Variants in CMIP observed in about 807,000 individuals in gnomAD.
CMIP encodes C-Maf-inducing protein.
CMIP carries 13 observed loss-of-function variants against 97.3 expected under a neutral mutation model. The observed-to-expected ratio is 0.13, with a 90% CI of 0.09 to 0.21. The LOEUF is 0.21. Ranked by LOEUF, CMIP falls within the 10% of genes least tolerant of loss-of-function variation. The pLI is 1.00. For synonymous variants in CMIP, 538 were observed against 436.3 expected, an observed-to-expected ratio of 1.23 and a Z score of -2.91; for missense variants, 847 against 1,024.9, an observed-to-expected ratio of 0.83 and a Z score of 2.37.
rs142836464 is a variant in CMIP, at chr16:81,545,656, C to T, written c.301-61911C>T. 2.9e-3 allele frequency among the ~76,000 whole-genome samples: 438 copies of T among 152,302 alleles called. 4 individuals carry two copies. The highest frequency in any genetic ancestry group is 1.8e-3 in the Non-Finnish European group (121 of 68,026). On this transcript the variant is annotated intron_variant, in intron 1 of 20. Transcript: ENST00000537098. ...CGGACCTGCGATGCTCACGGTAAAA[C>T]TAGGGCAAGTTACTACTTGACTGAT...
intron 2 of CMIP, among the ~76,000 whole-genome samples, chr16:81,612,519 C>T (rs1265880031): frequency 6.6e-6 from 1 of 152,170 alleles, no homozygotes; most frequent in East Asian, 1.9e-4. Context: ...CTCTAGCTTC[C>T]AGTAAGAAAG....
chr16:81,531,145 G>A (rs2090227121), intron 1 of CMIP, among the ~76,000 whole-genome samples: 1 of 152,174 alleles, frequency 6.6e-6, no homozygotes, highest in African/African-American at 2.4e-5. Context: ...TCATGCTGGA[G>A]GAGAGTGGGC....
At chr16:81,697,935 T>A (rs887407526) in intron 14 of CMIP, 2 of 152,446 alleles carry the variant, frequency 1.3e-5, no homozygotes, top group African/African-American at 4.8e-5. Context: ...GCGCTCTCGG[T>A]CACCTCTCGG....
At chr16:81,547,176 G>C (rs550578173) in intron 1 of CMIP, among the ~76,000 whole-genome samples, 2 of 152,140 alleles carry the variant, frequency 1.3e-5, no homozygotes, top group Non-Finnish European at 2.9e-5. Flanking sequence ...GAGGAGGAGA[G>C]GGATAGCATA....
intron 4 of CMIP, among the ~76,000 whole-genome samples, chr16:81,657,197 C>T (rs1023912949): frequency 2.0e-5 from 3 of 152,172 alleles, no homozygotes; most frequent in African/African-American, 7.2e-5. Flanking sequence ...GTAATCCATT[C>T]AACCTAATTA....
chr16:81,565,415 C>G (rs1392801640), intron 1 of CMIP, among the ~76,000 whole-genome samples: 3 of 152,202 alleles, frequency 2.0e-5, no homozygotes, highest in Non-Finnish European at 4.4e-5. Flanking sequence ...CATCCCTGCT[C>G]CTCTCTGCAC....
intron 10 of CMIP, among the ~76,000 whole-genome samples, chr16:81,688,272 G>T (rs993869303): frequency 6.6e-6 from 1 of 152,234 alleles, no homozygotes; most frequent in Non-Finnish European, 1.5e-5. Context: ...GCTCTTTCAT[G>T]AAAGGGTTAA....
intron 1 of CMIP, among the ~76,000 whole-genome samples, chr16:81,565,405 C>T (rs568526317): frequency 1.3e-5 from 2 of 152,330 alleles, no homozygotes; most frequent in Admixed American, 6.5e-5. Flanking sequence ...GCGGCACCTT[C>T]ATCCCTGCTC....
rs931441277 is a variant in CMIP at position 81,676,992 on chromosome 16, C to T, written c.1035-1283C>T. The stretch of plus-strand genomic sequence containing the variant: ...GAAGTCTTGGATTAGTGGATCTCAA[C>T]CTTGACCACACACGAGGAGCCTTAA... On this transcript the variant is annotated intron_variant, in intron 9 of 20. Transcript: ENST00000537098. Among the ~76,000 whole-genome samples, 7 of 152,208 alleles carry T rather than the reference C, an allele frequency of 4.6e-5. No homozygotes were observed. The South Asian group carries it at 1.4e-3, about 31-fold the overall frequency.
chr16:81,693,253 G>T (rs772945981), intron 12 of CMIP, 69 bp downstream of exon 12: 5 of 1,491,206 alleles, frequency 3.4e-6, no homozygotes, highest in Non-Finnish European at 4.6e-6. Context: ...TCTTCCCTCC[G>T]TGGCCCATGC....
intron 1 of CMIP, among the ~76,000 whole-genome samples, chr16:81,497,022 G>T (rs759295137): frequency 1.3e-5 from 2 of 152,236 alleles, no homozygotes; most frequent in Non-Finnish European, 2.9e-5. Flanking sequence ...GCTGGGCCTC[G>T]TAAGGGGTGT....
chr16:81,656,119 G>T (rs1375685460), intron 4 of CMIP, among the ~76,000 whole-genome samples: 2 of 152,174 alleles, frequency 1.3e-5, no homozygotes, highest in Admixed American at 6.5e-5. Context: ...TAGGTATCTT[G>T]GGTCCAACCT....
chr16:81,674,524 T>G (rs537465699), intron 9 of CMIP, among the ~76,000 whole-genome samples: 18 of 152,338 alleles, frequency 1.2e-4, no homozygotes, highest in Non-Finnish European at 2.1e-4. Context: ...TGATATCATA[T>G]TGATAGCTTG....
chr16:81,686,653 T>C (rs1244450860), intron 10 of CMIP, among the ~76,000 whole-genome samples: 1 of 152,078 alleles, frequency 6.6e-6, no homozygotes, highest in Non-Finnish European at 1.5e-5. Context: ...GCTTCCAGGG[T>C]ATGATTGGGG....
chr16:81,478,432 T>C (rs1908062404), intron 1 of CMIP, among the ~76,000 whole-genome samples: 1 of 152,110 alleles, frequency 6.6e-6, no homozygotes, highest in Non-Finnish European at 1.5e-5. Context: ...GAGAAGATAG[T>C]GAGCTCCCTG....
At chr16:81,562,890 T>G (rs1183240376) in intron 1 of CMIP, among the ~76,000 whole-genome samples, 1 of 152,202 alleles carries the variant, frequency 6.6e-6, no homozygotes, top group Non-Finnish European at 1.5e-5. Context: ...CTCAGGGCTT[T>G]TGGAATCCAA....
At chr16:81,598,920 G>C (rs985757294) in intron 1 of CMIP, among the ~76,000 whole-genome samples, 3 of 135,478 alleles carry the variant, frequency 2.2e-5, no homozygotes, top group Non-Finnish European at 3.0e-5. Flanking sequence ...AGTGGGCCAA[G>C]ATCATGCCAG....
rs1328917302 is a variant in CMIP, at chr16:81,693,503, C to A, written c.1530+16C>A. 1.2e-6 allele frequency: 2 copies of A among 1,609,050 alleles called. No individual in the cohort carries two copies. The highest frequency in any genetic ancestry group is 1.7e-6 in the Non-Finnish European group (2 of 1,177,086). On this transcript the variant is annotated intron_variant, in intron 13 of 20. Transcript: ENST00000537098. Reference sequence around the variant, plus strand: ...CAGGCAAGAGGTGAGGCCTTTGTTTCTGCATCTCAGGCCGGCTGTCTGGGG... The same window carrying A: ...CAGGCAAGAGGTGAGGCCTTTGTTTATGCATCTCAGGCCGGCTGTCTGGGG...
intron 3 of CMIP, among the ~76,000 whole-genome samples, chr16:81,645,186 G>A (rs1480377047): frequency 6.6e-6 from 1 of 152,224 alleles, no homozygotes; most frequent in Admixed American, 6.5e-5. Flanking sequence ...GTAGCTTCTG[G>A]ACTAGGCAGC....
Sources: allele counts gnomAD v4.1 joint callset (sites outside exome capture counted in the v4.1 genomes callset), GRCh38; gene constraint gnomAD v4.1.1; transcripts MANE v1.5; gene names NCBI Gene and HGNC (gene_info 2026-07-23, HGNC 2026-07-21).